ENTREP2: variants seen among roughly 807,000 people sequenced by gnomAD.
ENTREP2 encodes the protein endosomal transmembrane epsin interactor 2, also known as protein ENTREP2.
At chr15:29,555,565 C>T in the ENTREP2 span, among the ~76,000 whole-genome samples, 139 of 152,306 alleles carry the variant, frequency 9.1e-4, 1 homozygote, top group African/African-American at 2.9e-3. Context: ...GCCACCATGA[C>T]GAGCAGCACT....
the ENTREP2 span, among the ~76,000 whole-genome samples, chr15:29,336,636 A>C: frequency 1.2e-5 from 1 of 85,068 alleles, no homozygotes; most frequent in Non-Finnish European, 3.7e-5. Context: ...AGTCAAAAGA[A>C]AACAGTGTAC....
At chr15:29,257,353 G>A in the ENTREP2 span, among the ~76,000 whole-genome samples, 1 of 152,070 alleles carries the variant, frequency 6.6e-6, no homozygotes, top group Admixed American at 6.6e-5. Context: ...GATTACAGGC[G>A]TGAGCCACCG....
At chr15:29,303,902 A>C in the ENTREP2 span, among the ~76,000 whole-genome samples, 5 of 151,626 alleles carry the variant, frequency 3.3e-5, no homozygotes, top group Non-Finnish European at 7.4e-5. Context: ...TATTTTTGAG[A>C]TGGAGTCTCA....
chr15:29,568,878 T>G, the ENTREP2 span, among the ~76,000 whole-genome samples: 1 of 152,210 alleles, frequency 6.6e-6, no homozygotes, highest in East Asian at 1.9e-4. Flanking sequence ...CTGTGTCCAA[T>G]TAATGTTTTC....
chr15:29,494,098 C>A, the ENTREP2 span, among the ~76,000 whole-genome samples: 5 of 151,622 alleles, frequency 3.3e-5, no homozygotes, highest in East Asian at 5.8e-4. Context: ...TAACAAGGAT[C>A]GAAAAGAGAC....
chr15:29,623,764 G>A, the ENTREP2 span, among the ~76,000 whole-genome samples: 1 of 152,160 alleles, frequency 6.6e-6, no homozygotes, highest in Non-Finnish European at 1.5e-5. Flanking sequence ...TGAGCCTGCA[G>A]GGACAGGAAG....
At chr15:29,180,507 T>C in the ENTREP2 span, among the ~76,000 whole-genome samples, 41 of 151,888 alleles carry the variant, frequency 2.7e-4, no homozygotes, top group African/African-American at 9.7e-4. Context: ...TCTACTAAAA[T>C]ACAAAAATTA....
the ENTREP2 span, among the ~76,000 whole-genome samples, chr15:29,592,219 G>A: frequency 6.6e-6 from 1 of 152,190 alleles, no homozygotes; most frequent in East Asian, 1.9e-4. Context: ...AGCCAGGTCT[G>A]ATCTTTCCAA....
chr15:29,400,562 A>C, the ENTREP2 span, among the ~76,000 whole-genome samples: 1 of 152,248 alleles, frequency 6.6e-6, no homozygotes, highest in Non-Finnish European at 1.5e-5. Context: ...GAAAGAAATG[A>C]AACTTAATCT....
the ENTREP2 span, among the ~76,000 whole-genome samples, chr15:29,577,921 G>C: frequency 3.9e-5 from 6 of 152,188 alleles, no homozygotes; most frequent in African/African-American, 1.4e-4. Context: ...GTTGCTAGGG[G>C]CAGAGGGGTG....
At chr15:29,188,140 G>T in the ENTREP2 span, among the ~76,000 whole-genome samples, 1 of 152,164 alleles carries the variant, frequency 6.6e-6, no homozygotes, top group Non-Finnish European at 1.5e-5. Context: ...TGTGTCTTTG[G>T]TCTCTGCTCC....
chr15:29,190,518 C>T, the ENTREP2 span, among the ~76,000 whole-genome samples: 6 of 152,164 alleles, frequency 3.9e-5, no homozygotes, highest in Admixed American at 2.6e-4. Flanking sequence ...TCCTCCTCGG[C>T]CATGAAGAAA....
chr15:29,258,194 C>T, the ENTREP2 span, among the ~76,000 whole-genome samples: 35 of 116,096 alleles, frequency 3.0e-4, no homozygotes, highest in African/African-American at 1.2e-3. Flanking sequence ...GCCTGGGTGA[C>T]AGAGCAAGGC....
chr15:29,295,351 C>A, the ENTREP2 span, among the ~76,000 whole-genome samples: 3 of 152,194 alleles, frequency 2.0e-5, no homozygotes, highest in Non-Finnish European at 1.5e-5. Flanking sequence ...GTGTCCCCCA[C>A]CTGGTCACTC....
chr15:29,493,165 G>A, the ENTREP2 span, among the ~76,000 whole-genome samples: 8 of 80,726 alleles, frequency 9.9e-5, no homozygotes, highest in African/African-American at 3.1e-4. Context: ...ACGGAGTCTC[G>A]CTCTGTCGCC....
the ENTREP2 span, among the ~76,000 whole-genome samples, chr15:29,203,113 C>T: frequency 6.6e-5 from 10 of 152,146 alleles, no homozygotes; most frequent in African/African-American, 1.9e-4. Context: ...AGTATAAAAC[C>T]GTTCCTAGGC....
At chr15:29,432,396 A>G in the ENTREP2 span, among the ~76,000 whole-genome samples, 2 of 151,988 alleles carry the variant, frequency 1.3e-5, no homozygotes, top group African/African-American at 4.8e-5. Context: ...CCAGGTTTCC[A>G]CATCACGGAT....
At chr15:29,377,344 C>G in the ENTREP2 span, among the ~76,000 whole-genome samples, 2 of 152,144 alleles carry the variant, frequency 1.3e-5, no homozygotes, top group South Asian at 4.2e-4. Flanking sequence ...AGGGGAGTGA[C>G]ACAGGCTGGC....
At chr15:29,539,181 G>A in the ENTREP2 span, among the ~76,000 whole-genome samples, 1 of 52,366 alleles carries the variant, frequency 1.9e-5, no homozygotes, top group Non-Finnish European at 3.5e-5. Flanking sequence ...AGTTGAGAGG[G>A]ATCCTGAGTC....
Sources: allele counts gnomAD v4.1 joint callset (sites outside exome capture counted in the v4.1 genomes callset), GRCh38; gene constraint gnomAD v4.1.1; transcripts MANE v1.5; gene names NCBI Gene and HGNC (gene_info 2026-07-23, HGNC 2026-07-21).